Variants in BRD4 observed in about 807,000 individuals in gnomAD.
BRD4 encodes the protein bromodomain-containing protein 4.
In BRD4, 16 loss-of-function variants were observed where a neutral mutation model predicts 142.1. That is an observed-to-expected ratio of 0.11 (90% CI 0.08 to 0.17). The LOEUF is 0.17. Among genes scored for constraint, BRD4 ranks in the 10% least tolerant of loss-of-function variants. The pLI, the probability that BRD4 is intolerant of heterozygous loss-of-function variation, is 1.00. For synonymous variants in BRD4, 833 were observed against 707.5 expected (o/e 1.18, Z -2.82); for missense variants, 1,424 against 1,810.9 (o/e 0.79, Z 3.88).
chr19:15,320,792 C>T (rs889717302), intron 1 of BRD4, among the ~76,000 whole-genome samples: 2 of 152,250 alleles, frequency 1.3e-5, no homozygotes, highest in Non-Finnish European at 1.5e-5. Context: ...GGGATACACA[C>T]ATCCTTAACT....
chr19:15,320,636 T>G (rs983507279), intron 1 of BRD4, among the ~76,000 whole-genome samples: 4 of 152,226 alleles, frequency 2.6e-5, no homozygotes, highest in Non-Finnish European at 4.4e-5. Flanking sequence ...CTGTGCTCCC[T>G]TCAGGGCTGT....
At chr19:15,309,532 A>G (rs2047948183) in intron 1 of BRD4, among the ~76,000 whole-genome samples, 1 of 152,184 alleles carries the variant, frequency 6.6e-6, no homozygotes, top group South Asian at 2.1e-4. Flanking sequence ...TTAAAACATA[A>G]ATAATGAATG....
intron 1 of BRD4, among the ~76,000 whole-genome samples, chr19:15,318,666 T>C (rs8109881): frequency 6.6e-6 from 1 of 152,158 alleles, no homozygotes; most frequent in Non-Finnish European, 1.5e-5. Context: ...CATCCAACAC[T>C]ACCACATAAA....
intron 14 of BRD4, among the ~76,000 whole-genome samples, chr19:15,240,459 C>G (rs1482392278): frequency 6.6e-6 from 1 of 152,186 alleles, no homozygotes; most frequent in Non-Finnish European, 1.5e-5. Flanking sequence ...TAGCCTGGCC[C>G]ACCTGGATGA....
At chr19:15,312,693 T>C (rs892962267) in intron 1 of BRD4, among the ~76,000 whole-genome samples, 2 of 151,552 alleles carry the variant, frequency 1.3e-5, no homozygotes, top group South Asian at 2.1e-4. Context: ...CCTAGAACTT[T>C]GGGAGGCTGA....
At chr19:15,312,632 A>T (rs1237886552) in intron 1 of BRD4, among the ~76,000 whole-genome samples, 1 of 150,870 alleles carries the variant, frequency 6.6e-6, no homozygotes, top group African/African-American at 2.4e-5. Context: ...AAATCCGTCA[A>T]ATCAAACAAC....
rs548763724 is a variant in BRD4, at chr19:15,264,770, C to G, written c.850-4G>C. On this transcript the variant is annotated splice_region_variant and splice_polypyrimidine_tract_variant and intron_variant, in intron 5 of 19. Coordinates refer to ENST00000679869, the MANE Select transcript of BRD4 (RefSeq NM_001379291.1). ...TCCTCTTCACTCCCTTCTTTGTCTG[C>G]CAAGAACACGGACGCCAACAGGCAC... 1.3e-6 allele frequency: 2 copies of G among 1,594,290 alleles called. No individual in the cohort carries two copies. Among genetic ancestry groups the G allele is most frequent in the Admixed American group, 3.4e-5 (2 of 59,208 alleles).
At chr19:15,274,152 G>T (rs1306670419) in intron 1 of BRD4, among the ~76,000 whole-genome samples, 1 of 152,236 alleles carries the variant, frequency 6.6e-6, no homozygotes, top group Non-Finnish European at 1.5e-5. Context: ...TCAGCTTGCT[G>T]GGAACCTTGG....
chr19:15,267,319 T>C, intron 4 of BRD4, 97 bp downstream of exon 4: 1 of 1,451,632 alleles, frequency 6.9e-7, no homozygotes, highest in Non-Finnish European at 9.5e-7. Context: ...CAGTATATAA[T>C]GTCACATCCT....
chr19:15,267,830 T>A (rs544212567), intron 3 of BRD4, among the ~76,000 whole-genome samples: 44 of 152,274 alleles, frequency 2.9e-4, no homozygotes, highest in Admixed American at 2.4e-3. Context: ...GCCTTAAGCA[T>A]CTACCAAGCT....
At chr19:15,250,090 C>G (rs140983198) in intron 11 of BRD4, among the ~76,000 whole-genome samples, 1 of 152,130 alleles carries the variant, frequency 6.6e-6, no homozygotes, top group African/African-American at 2.4e-5. Flanking sequence ...ATGCAACCGA[C>G]GTGCTACTCC....
At chr19:15,264,204 A>G (rs1351445516) in intron 6 of BRD4, 200 bp downstream of exon 6, 2 of 644,776 alleles carry the variant, frequency 3.1e-6, no homozygotes, top group African/African-American at 3.7e-5. Flanking sequence ...CTGTAGCCAC[A>G]ATGGCCAAGC....
chr19:15,293,361 T>C (rs2047799084), intron 1 of BRD4, among the ~76,000 whole-genome samples: 1 of 152,102 alleles, frequency 6.6e-6, no homozygotes, highest in African/African-American at 2.4e-5. Context: ...CAGGCTTATC[T>C]CAGTTCCCAG....
At chr19:15,273,816 C>CTTTTT (rs920676613) in intron 1 of BRD4, among the ~76,000 whole-genome samples, 2 of 127,386 alleles carry the variant, frequency 1.6e-5, no homozygotes, top group African/African-American at 5.7e-5. Context: ...CTACCATTTT[C>CTTTTT]TTTTTTTTTT....
chr19:15,311,484 C>A (rs1055175972), intron 1 of BRD4, among the ~76,000 whole-genome samples: 4 of 151,914 alleles, frequency 2.6e-5, no homozygotes, highest in African/African-American at 9.7e-5. Flanking sequence ...AAGCCAGTAA[C>A]AAAATTCTAA....
intron 1 of BRD4, among the ~76,000 whole-genome samples, chr19:15,305,743 G>GAC (rs2047908598): frequency 6.6e-6 from 1 of 152,236 alleles, no homozygotes; most frequent in African/African-American, 2.4e-5. Context: ...GAGGCAGCCT[G>GAC]TCCTTTGAAG....
chr19:15,296,482 G>C (rs2047824025), intron 1 of BRD4, among the ~76,000 whole-genome samples: 1 of 152,184 alleles, frequency 6.6e-6, no homozygotes. Context: ...ATGTGTGTTT[G>C]AAGAAAGCCA....
chr19:15,324,086 G>GT (rs2048087761), intron 1 of BRD4, among the ~76,000 whole-genome samples: 1 of 152,044 alleles, frequency 6.6e-6, no homozygotes, highest in South Asian at 2.1e-4. Context: ...ACTCCATGGT[G>GT]TTCTCTCTCC....
chr19:15,327,314 G>T (rs1246200011), intron 1 of BRD4, among the ~76,000 whole-genome samples: 2 of 152,172 alleles, frequency 1.3e-5, no homozygotes, highest in Non-Finnish European at 2.9e-5. Flanking sequence ...TAAGGTGGGT[G>T]GATCACTTGA....
Sources: allele counts gnomAD v4.1 joint callset (sites outside exome capture counted in the v4.1 genomes callset), GRCh38; gene constraint gnomAD v4.1.1; transcripts MANE v1.5; gene names NCBI Gene and HGNC (gene_info 2026-07-23, HGNC 2026-07-21).